The following SCHIP1 variants were observed in gnomAD, a reference collection of about 807,000 sequenced individuals.
SCHIP1 encodes the protein schwannomin-interacting protein 1.
SCHIP1 carries 8 observed loss-of-function variants against 29.7 expected under a neutral mutation model. That is an observed-to-expected ratio of 0.27 (90% confidence interval 0.16 to 0.49). The LOEUF (loss-of-function observed/expected upper bound fraction) is 0.49. Ranked by LOEUF, SCHIP1 falls within the 20% of genes least tolerant of loss-of-function variation. The probability of loss-of-function intolerance (pLI) is 0.99; values close to 1 mark genes in which losing one functional copy is unlikely to be tolerated. For synonymous variants in SCHIP1, 76 were observed against 94.9 expected (o/e 0.80, Z 1.16); for missense variants, 193 against 294.6 (o/e 0.66, Z 2.52).
chr3:159,581,283 C>G, the SCHIP1 span, among the ~76,000 whole-genome samples: 1 of 152,166 alleles, frequency 6.6e-6, no homozygotes, highest in South Asian at 2.1e-4. Flanking sequence ...CCTGGATTTT[C>G]TGTTTGTCTC....
chr3:159,278,735 C>G, the SCHIP1 span, among the ~76,000 whole-genome samples: 37 of 152,284 alleles, frequency 2.4e-4, no homozygotes, highest in African/African-American at 8.4e-4. Flanking sequence ...GAATTTGAAT[C>G]TTTGCTTGAT....
At chr3:159,325,145 A>C in the SCHIP1 span, among the ~76,000 whole-genome samples, 86 of 152,264 alleles carry the variant, frequency 5.6e-4, no homozygotes, top group African/African-American at 1.9e-3. Flanking sequence ...GATTTTAGAA[A>C]GAAATGAGAC....
At chr3:159,386,239 T>C in the SCHIP1 span, among the ~76,000 whole-genome samples, 1 of 152,148 alleles carries the variant, frequency 6.6e-6, no homozygotes, top group African/African-American at 2.4e-5. Context: ...TCAAATGGTA[T>C]TTCTGGTTCT....
the SCHIP1 span, among the ~76,000 whole-genome samples, chr3:159,513,889 A>G: frequency 6.6e-6 from 1 of 152,208 alleles, no homozygotes; most frequent in African/African-American, 2.4e-5. Context: ...CCACTAGTGC[A>G]ATGTTCCAAA....
At chr3:159,839,161 C>T (rs1443313838), upstream of SCHIP1, among the ~76,000 whole-genome samples, 5 of 151,518 alleles carry the variant, frequency 3.3e-5, no homozygotes, top group Admixed American at 2.0e-4. Context: ...GAGTATTGTC[C>T]GCAAGTCCAG....
At chr3:159,499,933 C>T in the SCHIP1 span, among the ~76,000 whole-genome samples, 1 of 152,088 alleles carries the variant, frequency 6.6e-6, no homozygotes, top group African/African-American at 2.4e-5. Context: ...AGTTCAATTA[C>T]TTGGTCAGTC....
At chr3:159,327,122 A>C in the SCHIP1 span, among the ~76,000 whole-genome samples, 1 of 152,228 alleles carries the variant, frequency 6.6e-6, no homozygotes, top group Non-Finnish European at 1.5e-5. Context: ...TACCTGCTCT[A>C]GAAGCTGTTA....
chr3:159,421,617 G>C, the SCHIP1 span, among the ~76,000 whole-genome samples: 1 of 152,178 alleles, frequency 6.6e-6, no homozygotes, highest in Non-Finnish European at 1.5e-5. Context: ...TTGACAAATA[G>C]CCTGGATGGT....
the SCHIP1 span, among the ~76,000 whole-genome samples, chr3:159,590,276 A>C: frequency 2.0e-5 from 3 of 152,150 alleles, no homozygotes; most frequent in Non-Finnish European, 2.9e-5. Context: ...CAGCGCATTA[A>C]AGAACCAAAC....
At chr3:159,413,019 G>A in the SCHIP1 span, among the ~76,000 whole-genome samples, 1 of 152,142 alleles carries the variant, frequency 6.6e-6, no homozygotes, top group African/African-American at 2.4e-5. Context: ...CGATCATGAC[G>A]AAAGGGGAAG....
the SCHIP1 span, chr3:159,764,538 C>T: frequency 1.3e-6 from 2 of 1,591,170 alleles, no homozygotes; most frequent in African/African-American, 1.3e-5. This position sits in a 1 kb window ranked among gnomAD's most constrained non-coding sequence, Gnocchi z 6.1. Context: ...CCAAAGTGAC[C>T]CCTTGCTCCG....
chr3:159,558,269 A>G, the SCHIP1 span, among the ~76,000 whole-genome samples: 1 of 152,210 alleles, frequency 6.6e-6, no homozygotes, highest in Admixed American at 6.5e-5. Flanking sequence ...TGGCCTAAAG[A>G]AGATGTGTGA....
At chr3:159,491,617 C>A in the SCHIP1 span, among the ~76,000 whole-genome samples, 1 of 152,250 alleles carries the variant, frequency 6.6e-6, no homozygotes, top group Non-Finnish European at 1.5e-5. Context: ...GAAATTCGAA[C>A]TGGGTGGAGC....
chr3:159,534,723 A>T, the SCHIP1 span, among the ~76,000 whole-genome samples: 1 of 152,214 alleles, frequency 6.6e-6, no homozygotes, highest in Non-Finnish European at 1.5e-5. Context: ...TAAGCCACAA[A>T]GGAGAGGGAA....
chr3:159,693,046 T>G, the SCHIP1 span, among the ~76,000 whole-genome samples: 2 of 152,166 alleles, frequency 1.3e-5, no homozygotes, highest in African/African-American at 4.8e-5. Flanking sequence ...AAGACATATT[T>G]ACCTTGACTA....
At chr3:159,834,903 C>T (rs1213170313), upstream of SCHIP1, among the ~76,000 whole-genome samples, 1 of 152,106 alleles carries the variant, frequency 6.6e-6, no homozygotes. Flanking sequence ...GCAGATATTC[C>T]AAAATCCAGG....
chr3:159,695,952 T>C, the SCHIP1 span, among the ~76,000 whole-genome samples: 1 of 152,162 alleles, frequency 6.6e-6, no homozygotes, highest in East Asian at 1.9e-4. Flanking sequence ...TTATCACTTC[T>C]GGCCTGACTT....
chr3:159,747,021 C>T, the SCHIP1 span, among the ~76,000 whole-genome samples: 1 of 152,206 alleles, frequency 6.6e-6, no homozygotes, highest in Non-Finnish European at 1.5e-5. Context: ...CAACTGTTAA[C>T]TGTGAGTACT....
the SCHIP1 span, among the ~76,000 whole-genome samples, chr3:159,424,631 A>C: frequency 6.6e-6 from 1 of 152,246 alleles, no homozygotes; most frequent in Non-Finnish European, 1.5e-5. Flanking sequence ...GATATTATCC[A>C]GGAGAACTTC....
Sources: allele counts gnomAD v4.1 joint callset (sites outside exome capture counted in the v4.1 genomes callset), GRCh38; gene constraint gnomAD v4.1.1; non-coding constraint Gnocchi (gnomAD v3.1); transcripts MANE v1.5; gene names NCBI Gene and HGNC (gene_info 2026-07-23, HGNC 2026-07-21).